The following CDCP2 variants were observed in gnomAD, a reference collection of about 807,000 sequenced individuals.
CDCP2 encodes CUB domain containing protein 2, also known as CUB domain-containing protein 2.
In CDCP2, 31 loss-of-function variants were observed where a neutral mutation model predicts 31.0. That is an observed-to-expected ratio of 1.00 (90% CI 0.75 to 1.35). The LOEUF is 1.35. Among genes scored for constraint, CDCP2 ranks in the 40% most tolerant of loss-of-function variants. CDCP2 has a pLI of 0.00. For synonymous variants in CDCP2, 206 were observed against 207.9 expected (o/e 0.99, Z 0.08); for missense variants, 443 against 482.6 (o/e 0.92, Z 0.77).
At chr1:54,139,647 G>T (rs75306471) in intron 4 of CDCP2, 106 bp downstream of exon 4, 3 of 1,222,998 alleles carry the variant, frequency 2.5e-6, no homozygotes, top group African/African-American at 2.3e-5. Context: ...ACCATTCATG[G>T]GGGGGGCAGG....
intron 1 of CDCP2, among the ~76,000 whole-genome samples, chr1:54,145,154 G>T (rs1309381226): frequency 6.6e-6 from 1 of 152,170 alleles, no homozygotes; most frequent in East Asian, 1.9e-4. Flanking sequence ...GGGGCCAGGT[G>T]CAGTGGTTCA....
upstream of CDCP2, chr1:54,152,979 G>T: frequency 1.3e-6 from 2 of 1,544,242 alleles, no homozygotes; most frequent in Non-Finnish European, 1.8e-6. Context: ...GGATCTCAGG[G>T]TCCGGAGCAA....
In CDCP2 at chr1:54,140,110, G is replaced by C; in HGVS notation, c.764-4C>G. 6.2e-7 allele frequency: 1 copy of C among 1,612,274 alleles called. No individual in the cohort carries two copies. Among genetic ancestry groups the C allele is most frequent in the South Asian group, 1.1e-5 (1 of 91,052 alleles). On this transcript the variant is annotated splice_region_variant and splice_polypyrimidine_tract_variant and intron_variant, in intron 3 of 5. Coordinates refer to ENST00000530059, the Ensembl canonical transcript of CDCP2. Reference sequence around the variant, plus strand: ...ATGTATACCTCCTGGCATTCTCCTGGATGGGGGATGGGGAGGTGGAAGGAG... The same window carrying C: ...ATGTATACCTCCTGGCATTCTCCTGCATGGGGGATGGGGAGGTGGAAGGAG...
At chr1:54,136,723 C>A (rs1374230024) in exon 5 of CDCP2, 1 of 399,194 alleles carries the variant, frequency 2.5e-6, no homozygotes. Context: ...CCAGGTAGAC[C>A]TTGGTCCGCT....
exon 6 of CDCP2, chr1:54,133,057 G>C (rs1659192688): frequency 2.5e-6 from 1 of 398,962 alleles, no homozygotes; most frequent in African/African-American, 2.1e-5. Flanking sequence ...CTGGTATCCT[G>C]GGCCACCATG....
At chr1:54,137,191 G>A (rs1659273051) in intron 4 of CDCP2, among the ~76,000 whole-genome samples, 1 of 152,170 alleles carries the variant, frequency 6.6e-6, no homozygotes, top group South Asian at 2.1e-4. Flanking sequence ...TATATTGATG[G>A]CCTGCTATGT....
Position 54,146,932 on chromosome 1 carries a change from T to C in CDCP2, c.80-2119A>G, listed in dbSNP as rs1010056530. Reference sequence around the variant, plus strand: ...CTCTACTAAAAATACAAAAATTAGCTGGGTGTGGTGGTGCACGCCTGTAAT... The same window carrying C: ...CTCTACTAAAAATACAAAAATTAGCCGGGTGTGGTGGTGCACGCCTGTAAT... On this transcript the variant is annotated intron_variant, in intron 1 of 5. Coordinates refer to ENST00000530059, the Ensembl canonical transcript of CDCP2. 1.1e-4 allele frequency among the ~76,000 whole-genome samples: 16 copies of C among 151,384 alleles called. No homozygotes were observed. The East Asian group carries it at 3.1e-3, about 29-fold the overall frequency.
chr1:54,135,100 G>C (rs1659237179), intron 5 of CDCP2, among the ~76,000 whole-genome samples: 1 of 149,314 alleles, frequency 6.7e-6, no homozygotes, highest in Non-Finnish European at 1.5e-5. Flanking sequence ...ACTGGGGAAA[G>C]AAAGACTCCT....
Position 54,133,630 on chromosome 1 carries a change from C to T in CDCP2, c.1297-336G>A, listed in dbSNP as rs189030356. Among the ~76,000 whole-genome samples the T allele has an allele frequency of 1.9e-3, 283 of 152,310 alleles. 2 individuals carry two copies. The highest frequency in any genetic ancestry group is 3.2e-3 in the Non-Finnish European group (216 of 68,012). On this transcript the variant is annotated intron_variant, in intron 5 of 5. Transcript: ENST00000530059. ...ACCCCCATGTGGCCGGGTGCGGTGGCTCACGCCTGTAATCCCAGCACTGTG... is the reference window on the plus strand; with the variant it reads ...ACCCCCATGTGGCCGGGTGCGGTGGTTCACGCCTGTAATCCCAGCACTGTG...
exon 3 of CDCP2, chr1:54,141,152 A>G (rs142681935): frequency 1.3e-6 from 2 of 1,555,144 alleles, no homozygotes; most frequent in Non-Finnish European, 1.7e-6. Context: ...TCGGACTTGA[A>G]GACCACCTGC....
intron 1 of CDCP2, among the ~76,000 whole-genome samples, chr1:54,150,734 G>A (rs2100434825): frequency 6.6e-6 from 1 of 152,328 alleles, no homozygotes; most frequent in South Asian, 2.1e-4. Context: ...GCCCAGCTCG[G>A]CTACCTCCTG....
chr1:54,146,734 A>G (rs1485705211), intron 1 of CDCP2, among the ~76,000 whole-genome samples: 1 of 151,796 alleles, frequency 6.6e-6, no homozygotes, highest in Non-Finnish European at 1.5e-5. Context: ...CACAAAATAT[A>G]CTTGGTTATC....
At chr1:54,152,657 G>C (rs1193644119) in intron 1 of CDCP2, among the ~76,000 whole-genome samples, 187 bp downstream of exon 1, 1 of 152,190 alleles carries the variant, frequency 6.6e-6, no homozygotes, top group Non-Finnish European at 1.5e-5. Flanking sequence ...TGTGAAACAT[G>C]CAACACACGG....
rs137900908 is a variant in CDCP2 at position 54,151,533 on chromosome 1, T to C, written c.79+1311A>G. 5.5e-3 allele frequency among the ~76,000 whole-genome samples: 832 copies of C among 152,234 alleles called. 11 individuals carry two copies. Among genetic ancestry groups the C allele is most frequent in the Admixed American group, 0.025 (381 of 15,288 alleles). On this transcript the variant is annotated intron_variant, in intron 1 of 5. Coordinates refer to ENST00000530059, the Ensembl canonical transcript of CDCP2. ...TCCACTAGGACCCAGCCAGGCACAC[T>C]GATGTCCAGGGTTACCCCAAGGCCC...
chr1:54,140,733 T>G, intron 3 of CDCP2: 1 of 200,480 alleles, frequency 5.0e-6, no homozygotes. Context: ...CATCCATTCA[T>G]TTGTACGAAA....
rs886990800 is a variant in CDCP2, at chr1:54,136,817, C to T, written c.1118-9G>A. ...CACGTTCATGGGCACCACTGGGAAT[C>T]GGAGGGAGGAGCTGGAAGCCTTAGG... is the stretch of plus-strand genomic sequence containing the variant. On this transcript the variant is annotated splice_polypyrimidine_tract_variant and intron_variant, in intron 4 of 5. Coordinates refer to ENST00000530059, the Ensembl canonical transcript of CDCP2. The T allele has an allele frequency of 4.5e-5, 18 of 399,116 alleles. No homozygotes were observed. Among genetic ancestry groups the T allele is most frequent in the East Asian group, 2.5e-4 (7 of 28,094 alleles). The allele number at this position is 399,116 out of a possible 1,614,324, so 24.7% of individuals were successfully genotyped here. A position where few individuals can be genotyped will look rare whatever the true frequency, so the allele number is the denominator to read the frequency against.
At chr1:54,137,694 T>TGTGTGTGTGTGTTCGCGCGC (rs1474214550) in intron 4 of CDCP2, 1 of 118,318 alleles carries the variant, frequency 8.5e-6, no homozygotes, top group African/African-American at 3.3e-5. Flanking sequence ...CGTGTGTGTG[T>TGTGTGTGTGTGTTCGCGCGC]GTGTGTGTGT....
exon 1 of CDCP2, chr1:54,152,846 T>G: frequency 1.2e-6 from 2 of 1,614,094 alleles, no homozygotes; most frequent in Non-Finnish European, 1.7e-6. Context: ...GTGCCTACCT[T>G]CCATGGCTTG....
exon 4 of CDCP2, chr1:54,139,961 G>A: frequency 1.2e-6 from 2 of 1,614,184 alleles, no homozygotes; most frequent in Non-Finnish European, 1.7e-6. Context: ...GCTCCTCCAG[G>A]TCCAGGTCCA....
Sources: gnomAD v4.1 joint callset for allele counts (sites outside exome capture counted in the v4.1 genomes callset) on GRCh38, gnomAD v4.1.1 for gene constraint, MANE v1.5 for transcripts, NCBI Gene and HGNC (gene_info 2026-07-23, HGNC 2026-07-21) for gene names.